DENND1B: variants seen among roughly 807,000 people sequenced by gnomAD.
The protein encoded by DENND1B is DENN domain-containing protein 1B.
DENND1B carries 59 observed loss-of-function variants against 90.1 expected under a neutral mutation model. The ratio of observed to expected loss-of-function variants is 0.65; its 90% CI spans 0.53 to 0.81. The LOEUF is 0.81. Among genes scored for constraint, DENND1B ranks in the 40% least tolerant of loss-of-function variants. The pLI is 0.00. For missense variants in DENND1B, 862 were observed against 912.6 expected (o/e 0.94, Z 0.71); for synonymous variants, 337 against 324.6 (o/e 1.04, Z -0.41).
At chr1:197,519,439 T>C (rs10922244) in intron 20 of DENND1B, among the ~76,000 whole-genome samples, 56,564 of 151,646 alleles carry the variant, frequency 0.37, 11,101 homozygotes, top group Middle Eastern at 0.51. Context: ...ATTCATTCAT[T>C]CAACAAAGAT....
In DENND1B at chr1:197,597,868, G is replaced by GCCAT. The variant is rs1490367995; in HGVS notation, c.922-2536_922-2535insATGG. 4.6e-5 allele frequency among the ~76,000 whole-genome samples: 7 copies of GCCAT among 151,782 alleles called. 1 individual carries two copies. The highest frequency in any genetic ancestry group is 7.4e-5 in the Non-Finnish European group (5 of 67,810). On this transcript the variant is annotated intron_variant, in intron 13 of 22. Coordinates refer to ENST00000620048, the MANE Select transcript of DENND1B (RefSeq NM_001195215.2). ...ATTTGACTTGTCTCAACTGAGATTT[G>GCCAT]CCGTAAGAGTAAACAGACACTGTAT...
chr1:197,752,512 T>C (rs940533189), intron 2 of DENND1B, among the ~76,000 whole-genome samples: 9 of 151,992 alleles, frequency 5.9e-5, no homozygotes, highest in East Asian at 1.9e-4. Flanking sequence ...TCTATATACA[T>C]TGAAGATGTA....
chr1:197,560,585 G>A (rs528268784), intron 15 of DENND1B, among the ~76,000 whole-genome samples: 15 of 151,778 alleles, frequency 9.9e-5, no homozygotes, highest in Non-Finnish European at 1.9e-4. Flanking sequence ...AGGATTCCAG[G>A]CAAAGGGAAT....
intron 2 of DENND1B, among the ~76,000 whole-genome samples, chr1:197,761,357 T>C (rs1238507833): frequency 1.3e-5 from 2 of 152,082 alleles, no homozygotes; most frequent in Non-Finnish European, 2.9e-5. Context: ...AAATACACTG[T>C]AATCTTGAAG....
chr1:197,721,065 A>ATTTTTT (rs11371047), intron 2 of DENND1B, among the ~76,000 whole-genome samples: 18 of 98,966 alleles, frequency 1.8e-4, no homozygotes, highest in African/African-American at 4.5e-4. Flanking sequence ...GAGAAACGGC[A>ATTTTTT]TTTTTTTTTT....
chr1:197,731,223 G>C (rs1412543765), intron 2 of DENND1B, among the ~76,000 whole-genome samples: 1 of 152,006 alleles, frequency 6.6e-6, no homozygotes, highest in Non-Finnish European at 1.5e-5. Context: ...ATGTCCTTTG[G>C]AACAACAAAC....
intron 2 of DENND1B, chr1:197,733,953 A>T (rs937385608): frequency 2.1e-5 from 9 of 419,402 alleles, no homozygotes; most frequent in African/African-American, 1.9e-4. Context: ...CTTATTTATG[A>T]TATTCTAATC....
intron 13 of DENND1B, chr1:197,606,244 A>G (rs1479620342): frequency 6.6e-6 from 1 of 151,112 alleles, no homozygotes; most frequent in East Asian, 2.0e-4. Flanking sequence ...AATATGTCCC[A>G]TTATAAGCTG....
intron 15 of DENND1B, among the ~76,000 whole-genome samples, chr1:197,566,281 A>C (rs1168153097): frequency 1.3e-5 from 2 of 152,196 alleles, no homozygotes; most frequent in Admixed American, 6.5e-5. Context: ...GGCTGCATAA[A>C]TGTCTTCTTT....
chr1:197,567,262 C>A (rs1390537521), intron 15 of DENND1B, among the ~76,000 whole-genome samples: 4 of 151,810 alleles, frequency 2.6e-5, no homozygotes, highest in African/African-American at 4.8e-5. Flanking sequence ...AATTGAATAA[C>A]CCAGAAGAAA....
chr1:197,742,660 C>T (rs1028496412), intron 2 of DENND1B, among the ~76,000 whole-genome samples: 2 of 152,148 alleles, frequency 1.3e-5, no homozygotes, highest in African/African-American at 4.8e-5. Context: ...ATCTCCCTGG[C>T]TTTCTGTCTG....
chr1:197,741,247 T>C (rs1411553209), intron 2 of DENND1B, among the ~76,000 whole-genome samples: 1 of 152,128 alleles, frequency 6.6e-6, no homozygotes, highest in Non-Finnish European at 1.5e-5. Flanking sequence ...ACTTCTGACA[T>C]ATCCCAAGAT....
At chr1:197,655,723 G>A (rs1441588691) in intron 6 of DENND1B, among the ~76,000 whole-genome samples, 1 of 151,938 alleles carries the variant, frequency 6.6e-6, no homozygotes. Context: ...TAGTAGAGAC[G>A]GGGTTTCACT....
Position 197,510,287 on chromosome 1 carries a change from A to T in DENND1B, c.*173T>A. The T allele has an allele frequency of 1.4e-6, 1 of 724,356 alleles. No individual in the cohort carries two copies. The highest frequency in any genetic ancestry group is 2.2e-6 in the Non-Finnish European group (1 of 463,158). 44.9% of individuals were successfully genotyped at this position (724,356 alleles called of 1,614,324 possible). A position where few individuals can be genotyped will look rare whatever the true frequency, so the allele number is the denominator to read the frequency against. ...TTAAAAGCACAGTAGAATTCGCTTT[A>T]TATTTAAAAATCAATGCATTTCATA... On this transcript the variant is annotated 3_prime_UTR_variant, in exon 23 of 23. Coordinates refer to ENST00000620048, the MANE Select transcript of DENND1B (RefSeq NM_001195215.2).
chr1:197,683,698 A>T (rs1656931032), intron 3 of DENND1B, among the ~76,000 whole-genome samples: 1 of 152,208 alleles, frequency 6.6e-6, no homozygotes, highest in Non-Finnish European at 1.5e-5. Context: ...TACTCCCATC[A>T]ATAAGCAACT....
intron 20 of DENND1B, among the ~76,000 whole-genome samples, chr1:197,526,004 G>C (rs1356760468): frequency 6.6e-6 from 1 of 152,070 alleles, no homozygotes; most frequent in Non-Finnish European, 1.5e-5. Flanking sequence ...GTCCTATTTT[G>C]TAATTAGTAT....
chr1:197,693,173 T>C (rs1305000913), intron 3 of DENND1B, among the ~76,000 whole-genome samples: 1 of 151,630 alleles, frequency 6.6e-6, no homozygotes, highest in East Asian at 1.9e-4. Context: ...CTAGATTGCA[T>C]TGTTGTCTGG....
At chr1:197,580,519 G>C (rs1674136116) in intron 15 of DENND1B, among the ~76,000 whole-genome samples, 2 of 151,986 alleles carry the variant, frequency 1.3e-5, no homozygotes, top group African/African-American at 4.8e-5. Context: ...TCCTGAAGAG[G>C]GAATATATGT....
chr1:197,600,803 T>G (rs945314885), intron 13 of DENND1B, among the ~76,000 whole-genome samples: 2 of 151,878 alleles, frequency 1.3e-5, no homozygotes, highest in East Asian at 2.0e-4. Flanking sequence ...CTCATACTGG[T>G]GCACCTGAAA....
Sources: allele counts gnomAD v4.1 joint callset (sites outside exome capture counted in the v4.1 genomes callset), GRCh38; gene constraint gnomAD v4.1.1; transcripts MANE v1.5; gene names NCBI Gene and HGNC (gene_info 2026-07-23, HGNC 2026-07-21).